The following PSMF1 variants were observed in gnomAD, a reference collection of about 807,000 sequenced individuals.
The protein encoded by PSMF1 is proteasome inhibitor PI31 subunit.
A neutral mutation model predicts 29.3 loss-of-function variants in PSMF1; 30 were observed. The observed-to-expected ratio is 1.02, with a 90% CI of 0.77 to 1.39. The LOEUF (loss-of-function observed/expected upper bound fraction) is 1.39, where lower values mean the gene tolerates loss of function less well. PSMF1 is among the 40% of genes most tolerant of loss of function. PSMF1 has a pLI of 0.00. For synonymous variants in PSMF1, 134 were observed against 139.7 expected (o/e 0.96, Z 0.29); for missense variants, 344 against 357.5 (o/e 0.96, Z 0.31).
In PSMF1 at chr20:1,164,558, CCAGGCA is replaced by C. The variant is rs1200260882; in HGVS notation, c.764+86_764+91del. On this transcript the variant is annotated intron_variant, in intron 6 of 6. Coordinates refer to ENST00000335877, the MANE Select transcript of PSMF1 (RefSeq NM_006814.5). This position sits in a 1 kb window ranked among gnomAD's most constrained non-coding sequence, Gnocchi z 4.1. ...GTGGCAGCAATGAAGGTTTCTAGCC[CCAGGCA>C]CAGAGCTGCCGCTGCCTTCACCTGT... 46 of 1,552,516 alleles carry C rather than the reference CCAGGCA, an allele frequency of 3.0e-5. No homozygotes were observed. Among genetic ancestry groups the C allele is most frequent in the Non-Finnish European group, 3.5e-6 (4 of 1,134,440 alleles).
chr20:1,132,413 C>A (rs1399124882), intron 3 of PSMF1, among the ~76,000 whole-genome samples: 1 of 151,960 alleles, frequency 6.6e-6, no homozygotes, highest in African/African-American at 2.4e-5. Flanking sequence ...GTAGCTGGGA[C>A]TACAGATGCG....
chr20:1,158,381 C>T (rs1359119280), intron 4 of PSMF1, among the ~76,000 whole-genome samples: 3 of 152,164 alleles, frequency 2.0e-5, no homozygotes, highest in Non-Finnish European at 4.4e-5. Flanking sequence ...GGTGTTACTA[C>T]TTAGATTTTA....
At chr20:1,142,619 C>T (rs1317943245) in intron 4 of PSMF1, among the ~76,000 whole-genome samples, 1 of 152,230 alleles carries the variant, frequency 6.6e-6, no homozygotes, top group East Asian at 1.9e-4. Flanking sequence ...TTTATGGCTA[C>T]ATAGTACTCC....
At chr20:1,147,135 TATCATCATCATC>T (rs112288654) in intron 4 of PSMF1, among the ~76,000 whole-genome samples, 61 of 146,640 alleles carry the variant, frequency 4.2e-4, no homozygotes, top group African/African-American at 8.2e-4. Flanking sequence ...TTGTTTCCGT[TATCATCATCATC>T]ATCATCATCA....
At chr20:1,159,565 T>C (rs1011770478) in intron 4 of PSMF1, among the ~76,000 whole-genome samples, 1 of 152,216 alleles carries the variant, frequency 6.6e-6, no homozygotes, top group Non-Finnish European at 1.5e-5. Flanking sequence ...TTCAGAGCAA[T>C]CTTTATTCCC....
At chr20:1,126,021 A>T in intron 2 of PSMF1, 1 of 457,442 alleles carries the variant, frequency 2.2e-6, no homozygotes, top group Non-Finnish European at 4.4e-6. Flanking sequence ...CCTATGCTGG[A>T]AGGCTCTTCC....
chr20:1,125,647 G>C lies in PSMF1; in HGVS notation c.279G>C (p.Val93=). The C allele has an allele frequency of 6.2e-7, 1 of 1,610,766 alleles. No homozygotes were observed. Among genetic ancestry groups the C allele is most frequent in the Non-Finnish European group, 8.5e-7 (1 of 1,178,480 alleles). The change falls in exon 2 of 7, where the codon GTG becomes GTC. Residue 93 remains valine (V), a synonymous_variant. Transcript: ENST00000335877. ...ITVESSMILN[V]LEYGSQQVAD... is the part of the protein sequence containing the mutation. ...TGGAGAGCAGCATGATCCTCAATGTGCTGGTGAGTCTCTGGGACACGTGAG... is the reference window on the plus strand; with the variant it reads ...TGGAGAGCAGCATGATCCTCAATGTCCTGGTGAGTCTCTGGGACACGTGAG...
chr20:1,120,080 C>G (rs916989759), intron 1 of PSMF1, among the ~76,000 whole-genome samples: 1 of 152,136 alleles, frequency 6.6e-6, no homozygotes, highest in African/African-American at 2.4e-5. Context: ...TCCCCCACCC[C>G]TCACTGCTGT....
At chr20:1,113,875 T>C (rs989212874), upstream of PSMF1, among the ~76,000 whole-genome samples, 20 of 152,000 alleles carry the variant, frequency 1.3e-4, no homozygotes, top group Admixed American at 7.9e-4. Flanking sequence ...GTATTTTTAG[T>C]AGAGACGGGG....
At chr20:1,158,861 C>T (rs981597247) in intron 4 of PSMF1, among the ~76,000 whole-genome samples, 2 of 152,070 alleles carry the variant, frequency 1.3e-5, no homozygotes, top group Non-Finnish European at 2.9e-5. Context: ...TAGAGAAGGA[C>T]GGAACCCCCT....
Position 1,161,570 on chromosome 20 carries a change from G to T in PSMF1, c.552-1560G>T. 6.5e-6 allele frequency: 4 copies of T among 618,578 alleles called. No individual in the cohort carries two copies. The Admixed American group carries it at 6.8e-5, about 11-fold the overall frequency. 38.3% of individuals were successfully genotyped at this position (618,578 alleles called of 1,614,324 possible). ...GAAGATCAAGATCATCGTGCTCCCA[G>T]AGCGCAAGTACTCCGTGTGGATCAG... is the stretch of plus-strand genomic sequence containing the variant. On this transcript the variant is annotated intron_variant, in intron 4 of 6. Transcript: ENST00000335877.
intron 3 of PSMF1, 132 bp from the exon 4 acceptor site, chr20:1,134,989 C>T: frequency 1.1e-6 from 1 of 872,690 alleles, no homozygotes; most frequent in Non-Finnish European, 1.9e-6. Flanking sequence ...CCTGTTCCCC[C>T]ACTTATAAAC....
At chr20:1,119,674 G>A (rs1190120794) in intron 1 of PSMF1, among the ~76,000 whole-genome samples, 2 of 152,156 alleles carry the variant, frequency 1.3e-5, no homozygotes, top group Non-Finnish European at 2.9e-5. Context: ...CAGAGTTCTA[G>A]GACTGCTGGA....
chr20:1,119,736 C>T (rs1018930653), intron 1 of PSMF1, among the ~76,000 whole-genome samples: 2 of 152,154 alleles, frequency 1.3e-5, no homozygotes, highest in African/African-American at 2.4e-5. Context: ...TCTTTCCTGT[C>T]TCTTCCCTGT....
intron 1 of PSMF1, among the ~76,000 whole-genome samples, chr20:1,125,274 C>G (rs1306948647): frequency 6.6e-6 from 1 of 152,132 alleles, no homozygotes; most frequent in Non-Finnish European, 1.5e-5. Flanking sequence ...AGTGCTGTGT[C>G]AGAAAGGTAG....
chr20:1,143,879 C>A (rs2086414820), intron 4 of PSMF1, among the ~76,000 whole-genome samples: 1 of 152,064 alleles, frequency 6.6e-6, no homozygotes, highest in African/African-American at 2.4e-5. Flanking sequence ...TCACCTGAGG[C>A]CAGGAATTCG....
rs1195363360 is a variant in PSMF1, at chr20:1,167,763, A to C, written c.*2683A>C. On this transcript the variant is annotated 3_prime_UTR_variant, in exon 7 of 7. Coordinates refer to ENST00000335877, the MANE Select transcript of PSMF1 (RefSeq NM_006814.5). ...GGGTTGTTTCTACAAAAAGGCTATT[A>C]TGAGTAATGCAGCCAAGAACATTTG... is the stretch of plus-strand genomic sequence containing the variant. 3 of 152,216 alleles carry C rather than the reference A, an allele frequency of 2.0e-5. No homozygotes were observed. Among genetic ancestry groups the C allele is most frequent in the Admixed American group, 6.5e-5 (1 of 15,284 alleles). The allele number at this position is 152,216 out of a possible 1,614,324, so 9.4% of individuals were successfully genotyped here.
rs751493908 is a variant in PSMF1, at chr20:1,166,274, G to C, written c.*1194G>C. ...CAGTGATGAGCCCTGTTCTGGAGTG[G>C]AAAGAGCACGATAGAGCACCAGGCT... On this transcript the variant is annotated 3_prime_UTR_variant, in exon 7 of 7. Transcript: ENST00000335877. The C allele has an allele frequency of 6.2e-7, 1 of 1,610,634 alleles. No individual in the cohort carries two copies. The highest frequency in any genetic ancestry group is 1.1e-5 in the South Asian group (1 of 90,768).
Position 1,165,787 on chromosome 20 carries a change from T to G in PSMF1, c.*707T>G. ...CTCCAGCTATTCCTGTCTGGGCCAG[T>G]TTTGTAGGTCCATCTGTGCATGGGC... On this transcript the variant is annotated 3_prime_UTR_variant, in exon 7 of 7. Transcript: ENST00000335877. The G allele has an allele frequency of 9.7e-7, 1 of 1,026,314 alleles. No individual in the cohort carries two copies. The allele number at this position is 1,026,314 out of a possible 1,614,324, so 63.6% of individuals were successfully genotyped here. A position where few individuals can be genotyped will look rare whatever the true frequency, so the allele number is the denominator to read the frequency against.
Sources: gnomAD v4.1 joint callset for allele counts (sites outside exome capture counted in the v4.1 genomes callset) on GRCh38, gnomAD v4.1.1 for gene constraint, Gnocchi (gnomAD v3.1) non-coding constraint, MANE v1.5 for transcripts, NCBI Gene and HGNC (gene_info 2026-07-23, HGNC 2026-07-21) for gene names.